INF2: variants seen among roughly 807,000 people sequenced by gnomAD.
INF2 encodes the protein inverted formin-2.
INF2 carries 43 observed loss-of-function variants against 123.5 expected under a neutral mutation model. That is an observed-to-expected ratio of 0.35 (90% CI 0.27 to 0.45). INF2 has a LOEUF of 0.45. INF2 is among the 20% of genes least tolerant of loss of function. The pLI, the probability that INF2 is intolerant of heterozygous loss-of-function variation, is 1.00. For synonymous variants in INF2, 851 were observed against 745.0 expected (o/e 1.14, Z -2.32); for missense variants, 1,453 against 1,682.7 (o/e 0.86, Z 2.39).
intron 21 of INF2, 145 bp from the exon 22 acceptor site, chr14:104,715,139 G>T: frequency 1.2e-6 from 1 of 841,530 alleles, no homozygotes; most frequent in South Asian, 1.5e-5. Context: ...GCAAGTGGCT[G>T]CCATGTGGCT....
Position 104,710,882 on chromosome 14 carries a change from G to C in INF2, c.2240-55G>C. On this transcript the variant is annotated intron_variant, in intron 13 of 22. Coordinates refer to ENST00000392634, the MANE Select transcript of INF2 (RefSeq NM_022489.4). ...AAGCAGGACCACACCCCACCGCCAG[G>C]GCATCTGGGGGCTCCGAACCAAGAG... is the stretch of plus-strand genomic sequence containing the variant. 2.0e-6 allele frequency: 3 copies of C among 1,514,018 alleles called. No individual in the cohort carries two copies. The East Asian group carries it at 7.0e-5, about 35-fold the overall frequency. The allele number at this position is 1,514,018 out of a possible 1,614,324, so 93.8% of individuals were successfully genotyped here.
Position 104,707,400 on chromosome 14 carries a change from C to G in INF2, c.1133C>G (p.Thr378Ser). The G allele has an allele frequency of 6.3e-7, 1 of 1,587,486 alleles. No individual in the cohort carries two copies. The highest frequency in any genetic ancestry group is 1.1e-5 in the South Asian group (1 of 87,136). Residue 378 changes from threonine (T) to serine (S), a missense_variant, in exon 8 of 23, where the codon ACC (threonine) becomes AGC (serine). By Grantham distance (58) the Thr-to-Ser change is moderately conservative (BLOSUM62 1). Transcript: ENST00000392634. ...QRGSSPQNTT[T>S]PKPSVEGQQP... ...GGCAGCTCCCCGCAAAACACTACAACCCCCAAGCCCAGCGTGGAGGGCCAG... is the reference window on the plus strand; with the variant it reads ...GGCAGCTCCCCGCAAAACACTACAAGCCCCAAGCCCAGCGTGGAGGGCCAG...
chr14:104,712,252 T>C (rs532160876), intron 16 of INF2, among the ~76,000 whole-genome samples, 181 bp from the exon 17 acceptor site: 3 of 152,164 alleles, frequency 2.0e-5, no homozygotes, highest in African/African-American at 7.2e-5. Flanking sequence ...GCCCAGATGC[T>C]CACAGGGGGC....
In INF2 at chr14:104,699,503, T is replaced by C; in HGVS notation, c.-9-1854T>C. ...CCGGCTGTCTCTGGCAGCTCAGCGGTCAGCAGCGATGAGAAGCCAGGGGAG... is the reference window on the plus strand; with the variant it reads ...CCGGCTGTCTCTGGCAGCTCAGCGGCCAGCAGCGATGAGAAGCCAGGGGAG... On this transcript the variant is annotated intron_variant, in intron 1 of 22. Transcript: ENST00000392634. The surrounding 1 kb of genome is among the most constrained non-coding windows in gnomAD (Gnocchi z 4.7). 1 of 985,108 alleles carries C rather than the reference T, an allele frequency of 1.0e-6. No homozygotes were observed. The highest frequency in any genetic ancestry group is 1.1e-4 in the East Asian group (1 of 8,770). The allele number at this position is 985,108 out of a possible 1,614,324, so 61.0% of individuals were successfully genotyped here. A position where few individuals can be genotyped will look rare whatever the true frequency, so the allele number is the denominator to read the frequency against.
intron 1 of INF2, among the ~76,000 whole-genome samples, chr14:104,691,565 C>T (rs1288781611): frequency 6.6e-6 from 1 of 152,206 alleles, no homozygotes; most frequent in Non-Finnish European, 1.5e-5. Flanking sequence ...AGAAGGCACA[C>T]CCACCTCTGT....
chr14:104,683,682 T>C (rs1888588817), intron 1 of INF2, among the ~76,000 whole-genome samples: 1 of 145,430 alleles, frequency 6.9e-6, no homozygotes, highest in African/African-American at 2.6e-5. Flanking sequence ...CTACAAAGTC[T>C]TGGCACTACA....
At chr14:104,708,282 A>C in intron 8 of INF2, 154 bp from the exon 9 acceptor site, 1 of 983,606 alleles carries the variant, frequency 1.0e-6, no homozygotes, top group Non-Finnish European at 1.5e-6. Flanking sequence ...GTGCTCAGGT[A>C]GGGAGGTAGG....
intron 13 of INF2, 94 bp from the exon 14 acceptor site, chr14:104,710,843 G>T (rs1289064465): frequency 1.9e-6 from 2 of 1,078,570 alleles, no homozygotes; most frequent in Non-Finnish European, 1.4e-6. Context: ...GCCAGGGAGT[G>T]CAGGGGCACT....
intron 1 of INF2, among the ~76,000 whole-genome samples, chr14:104,698,996 C>T (rs1179216652): frequency 3.3e-5 from 5 of 152,186 alleles, no homozygotes; most frequent in African/African-American, 1.2e-4. Context: ...CGTGGCTCCA[C>T]CCCACTGACC....
chr14:104,709,536 C>T (rs1404321592), intron 11 of INF2, 84 bp from the exon 12 acceptor site: 2 of 1,368,396 alleles, frequency 1.5e-6, no homozygotes, highest in Middle Eastern at 1.8e-4. Context: ...ATGATGGGCA[C>T]TGGAGGGGCT....
chr14:104,689,358 C>G (rs1183633485), upstream of INF2: 10 of 710,974 alleles, frequency 1.4e-5, no homozygotes, highest in Non-Finnish European at 1.7e-5. Flanking sequence ...GAGACGGCCC[C>G]GATCTGCGCG....
chr14:104,713,270 G>A lies in INF2; in HGVS notation c.2839G>A (p.Glu947Lys), dbSNP rs1182433339. ...GAGGAGGAAGCAGCAGCTGGCGGAG[G>A]AGGAGGCGCGGCGGCCTCGGGGAGA... ...AERRKQQLAE[E>K]EARRPRGEDG... The change falls in exon 19 of 23, where the codon GAG becomes AAG. Residue 947 changes from glutamate to lysine, a missense_variant. By Grantham distance (56) the Glu-to-Lys change is moderately conservative (BLOSUM62 1). Around this residue, in one of 8 missense-constraint regions of INF2, gnomAD observed 212 missense variants for 266.2 expected, o/e 0.80. Coordinates refer to ENST00000392634, the MANE Select transcript of INF2 (RefSeq NM_022489.4). 1.3e-6 allele frequency: 2 copies of A among 1,550,830 alleles called. No individual in the cohort carries two copies. Among genetic ancestry groups the A allele is most frequent in the Admixed American group, 2.0e-5 (1 of 51,058 alleles).
chr14:104,682,695 G>C (rs1422201292), intron 1 of INF2, among the ~76,000 whole-genome samples: 1 of 152,170 alleles, frequency 6.6e-6, no homozygotes, highest in African/African-American at 2.4e-5. Context: ...GTGAAACTAG[G>C]AGGTTCTGTA....
rs375005967 is a variant in INF2, at chr14:104,706,131, C to T, written c.798C>T (p.Val266=). ...EEELLRVSGG[V]DMSSHQEVFA... is the part of the protein sequence containing the mutation. ...AGCTGCTGCGAGTCTCTGGCGGGGT[C>T]GACATGAGCAGCCACCAGGAGGTCT... Residue 266 remains valine (V), a synonymous_variant, in exon 6 of 23, where the codon GTC becomes GTT. Coordinates refer to ENST00000392634, the MANE Select transcript of INF2 (RefSeq NM_022489.4). 1.0e-5 allele frequency: 16 copies of T among 1,607,988 alleles called. No homozygotes were observed. The highest frequency in any genetic ancestry group is 6.7e-5 in the South Asian group (6 of 90,026).
At position 104,706,923 on chromosome 14, in the gene INF2, C is replaced by T. The variant is rs1889806231; in HGVS notation, c.857C>T (p.Pro286Leu). 5.0e-6 allele frequency: 8 copies of T among 1,604,278 alleles called. No homozygotes were observed. Among genetic ancestry groups the T allele is most frequent in the African/African-American group, 1.3e-5 (1 of 74,982 alleles). The change falls in exon 7 of 23, where the codon CCG becomes CTG. Residue 286 changes from proline to leucine, a missense_variant. By Grantham distance (98) the Pro-to-Leu change is moderately conservative. Around this residue, in one of 8 missense-constraint regions of INF2, gnomAD observed 251 missense variants for 349.4 expected, o/e 0.72. Coordinates refer to ENST00000392634, the MANE Select transcript of INF2 (RefSeq NM_022489.4). ...TCGCCCGTCCAGGTGAGCTGCTCCC[C>T]GGTGTCTGCCCAGCTCCTGTCGGTG... is the stretch of plus-strand genomic sequence containing the variant. ...ASLFHKVSCS[P>L]VSAQLLSVLQ...
intron 1 of INF2, 76 bp from the exon 2 acceptor site, chr14:104,701,281 G>A (rs1595163250): frequency 1.4e-6 from 2 of 1,475,312 alleles, no homozygotes; most frequent in African/African-American, 2.8e-5. Flanking sequence ...GAGGGAAGTG[G>A]CCCCGCCTGC....
At chr14:104,712,578 C>G (rs1283675439) in intron 17 of INF2, 25 bp downstream of exon 17, 3 of 1,612,422 alleles carry the variant, frequency 1.9e-6, no homozygotes, top group Non-Finnish European at 2.5e-6. Context: ...GGGCCTGGGG[C>G]TGGCGGGAGA....
chr14:104,686,977 G>A (rs1348559006), upstream of INF2, among the ~76,000 whole-genome samples: 1 of 152,226 alleles, frequency 6.6e-6, no homozygotes. Context: ...CCAGTGGCCA[G>A]GAACATGTGG....
chr14:104,708,194 C>T (rs1889876013), intron 8 of INF2, 192 bp downstream of exon 8: 2 of 931,482 alleles, frequency 2.1e-6, no homozygotes, highest in Admixed American at 2.4e-5. Flanking sequence ...GCAGGGGCTA[C>T]CTCTGAGGAC....
Sources: gnomAD v4.1 joint callset for allele counts (sites outside exome capture counted in the v4.1 genomes callset) on GRCh38, gnomAD v4.1.1 for gene constraint, gnomAD v4.1.1 regional missense constraint, Gnocchi (gnomAD v3.1) non-coding constraint, MANE v1.5 for transcripts, NCBI Gene and HGNC (gene_info 2026-07-23, HGNC 2026-07-21) for gene names.